LAMC1: variants seen among roughly 807,000 people sequenced by gnomAD.
The protein encoded by LAMC1 is laminin subunit gamma-1.
In LAMC1, 38 loss-of-function variants were observed where a neutral mutation model predicts 173.6. The ratio of observed to expected loss-of-function variants is 0.22; its 90% CI spans 0.17 to 0.29. The LOEUF is 0.29. Among genes scored for constraint, LAMC1 ranks in the 10% least tolerant of loss-of-function variants. LAMC1 has a pLI of 1.00. For synonymous variants in LAMC1, 746 were observed against 749.1 expected (o/e 1.00, Z 0.07); for missense variants, 1,824 against 2,051.8 (o/e 0.89, Z 2.14).
At chr1:183,030,348 A>G (rs969258766) in intron 1 of LAMC1, among the ~76,000 whole-genome samples, 2 of 152,210 alleles carry the variant, frequency 1.3e-5, no homozygotes, top group African/African-American at 4.8e-5. Flanking sequence ...AGATGCAAGC[A>G]CAGAGAGGAT....
chr1:183,071,377 G>A (rs915406449), intron 1 of LAMC1, among the ~76,000 whole-genome samples: 4 of 131,198 alleles, frequency 3.0e-5, no homozygotes, highest in African/African-American at 1.0e-4. Flanking sequence ...CAGAATAATA[G>A]CAAGCATAGT....
rs371563859 is a variant in LAMC1, at chr1:183,023,895, A to G, written c.179A>G (p.Asn60Ser). ...CCCGAGTTCGTCAACGCCGCCTTCAACGTGACTGTGGTGGCCACCAACACG... is the reference window on the plus strand; with the variant it reads ...CCCGAGTTCGTCAACGCCGCCTTCAGCGTGACTGTGGTGGCCACCAACACG... The part of the protein sequence containing the change: ...CMPEFVNAAF[N>S]VTVVATNTCG... The change falls in exon 1 of 28, where the codon AAC becomes AGC. Residue 60 changes from asparagine (N) to serine (S), a missense_variant. Coordinates refer to ENST00000258341, the MANE Select transcript of LAMC1 (RefSeq NM_002293.4). The G allele has an allele frequency of 3.5e-4, 564 of 1,612,990 alleles. 2 individuals carry two copies. The highest frequency in any genetic ancestry group is 1.4e-3 in the Admixed American group (85 of 60,016).
At chr1:183,139,379 T>G (rs1293099492) in intron 26 of LAMC1, among the ~76,000 whole-genome samples, 1 of 152,182 alleles carries the variant, frequency 6.6e-6, no homozygotes, top group Non-Finnish European at 1.5e-5. Context: ...GTTTATAGCT[T>G]CATTCTTTTG....
intron 1 of LAMC1, among the ~76,000 whole-genome samples, chr1:183,090,497 A>G (rs1050947175): frequency 1.3e-5 from 2 of 152,224 alleles, no homozygotes; most frequent in African/African-American, 4.8e-5. Context: ...GTTTATACTT[A>G]TGAAGGCATC....
rs764447112 is a variant in LAMC1, at chr1:183,124,728, C to T, written c.2499C>T (p.Asn833=). 2 of 1,614,226 alleles carry T rather than the reference C, an allele frequency of 1.2e-6. No individual in the cohort carries two copies. The highest frequency in any genetic ancestry group is 1.7e-5 in the Admixed American group (1 of 60,018). Residue 833 remains asparagine, a synonymous_variant, in exon 14 of 28, where the codon AAC becomes AAT. Transcript: ENST00000258341. ...GCCGCCTGTGCCAGTGCAGTGACAA[C>T]ATCGATCCCAATGCAGTTGGAAATT... ...RLCRLCQCSD[N]IDPNAVGNCN...
At chr1:183,107,253 C>G (rs905050750) in intron 2 of LAMC1, among the ~76,000 whole-genome samples, 1 of 151,984 alleles carries the variant, frequency 6.6e-6, no homozygotes, top group Non-Finnish European at 1.5e-5. Flanking sequence ...TTCCTGCCCT[C>G]GTGGTACTTA....
At chr1:183,132,567 C>G (rs1156707545) in intron 21 of LAMC1, 30 bp downstream of exon 21, 2 of 1,569,716 alleles carry the variant, frequency 1.3e-6, no homozygotes, top group Admixed American at 3.4e-5. Flanking sequence ...GGTTTACACC[C>G]CTTCAGGTGT....
Position 183,039,390 on chromosome 1 carries a change from C to T in LAMC1, c.418+15256C>T, listed in dbSNP as rs143680189. Among the ~76,000 whole-genome samples, 295 of 152,172 alleles carry T rather than the reference C, an allele frequency of 1.9e-3. 2 individuals are homozygous for T. Among genetic ancestry groups the T allele is most frequent in the African/African-American group, 6.4e-3 (265 of 41,500 alleles). ...GCCTTCAGTGTCTTGGATTAACTTT[C>T]GGAGCAGTCCATACATAGTTTTGAA... On this transcript the variant is annotated intron_variant, in intron 1 of 27. Transcript: ENST00000258341.
At chr1:183,129,853 A>T (rs1656734153) in intron 18 of LAMC1, among the ~76,000 whole-genome samples, 1 of 152,174 alleles carries the variant, frequency 6.6e-6, no homozygotes, top group South Asian at 2.1e-4. Flanking sequence ...GGGGTGGCAA[A>T]AGAGTCTATT....
In LAMC1 at chr1:183,057,498, C is replaced by T. The variant is rs183204436; in HGVS notation, c.418+33364C>T. Among the ~76,000 whole-genome samples, 199 of 152,310 alleles carry T rather than the reference C, an allele frequency of 1.3e-3. 2 individuals are homozygous for T. The highest frequency in any genetic ancestry group is 5.0e-3 in the Admixed American group (77 of 15,304). ...ACAGCTGGCCGGGTGCCGTGGCTTA[C>T]GCCTGTAATCTCCGCATTTTGGGAG... On this transcript the variant is annotated intron_variant, in intron 1 of 27. Coordinates refer to ENST00000258341, the MANE Select transcript of LAMC1 (RefSeq NM_002293.4).
At chr1:183,112,637 G>T (rs1656193557) in intron 4 of LAMC1, among the ~76,000 whole-genome samples, 1 of 152,146 alleles carries the variant, frequency 6.6e-6, no homozygotes, top group Non-Finnish European at 1.5e-5. Flanking sequence ...TGTAGGTTGG[G>T]ACAGTGTGGA....
chr1:183,103,543 A>G lies in LAMC1; in HGVS notation c.634A>G (p.Ile212Val). The change falls in exon 2 of 28, where the codon ATT becomes GTT. Residue 212 changes from isoleucine (I) to valine (V), a missense_variant. Physicochemically the swap from Ile to Val is conservative, Grantham distance 29 (BLOSUM62 3). Coordinates refer to ENST00000258341, the MANE Select transcript of LAMC1 (RefSeq NM_002293.4). ...CTTGTGTACTGATGAATTCAGTGAC[A>G]TTTCTCCCCTCACTGGGGGCAACGT... ...QALCTDEFSDISPLTGGNVAF... is the reference protein window; with the variant it reads ...QALCTDEFSDVSPLTGGNVAF... 6.2e-7 allele frequency: 1 copy of G among 1,613,416 alleles called. No individual in the cohort carries two copies. The highest frequency in any genetic ancestry group is 1.1e-5 in the South Asian group (1 of 90,942).
At chr1:183,066,857 T>C (rs948972815) in intron 1 of LAMC1, among the ~76,000 whole-genome samples, 3 of 152,102 alleles carry the variant, frequency 2.0e-5, no homozygotes, top group Non-Finnish European at 4.4e-5. Flanking sequence ...CTAATGTAGA[T>C]GACAGGTTGA....
rs140499388 is a variant in LAMC1 at position 183,116,807 on chromosome 1, C to T, written c.1468C>T (p.Arg490Trp). ...TTTTAATCTGGAATCATCTAATCCT[C>T]GGGGTTGCACACCCTGCTTCTGCTT... ...GFFNLESSNP[R>W]GCTPCFCFGH... The change falls in exon 8 of 28, where the codon CGG (arginine) becomes TGG (tryptophan). Residue 490 changes from arginine to tryptophan, a missense_variant. Physicochemically the swap from Arg to Trp is moderately radical, Grantham distance 101. Transcript: ENST00000258341. 697 of 1,613,988 alleles carry T rather than the reference C, an allele frequency of 4.3e-4. 4 individuals carry two copies. The African/African-American group carries it at 4.9e-3, about 11-fold the overall frequency.
rs375702610 is a variant in LAMC1 at position 183,135,325 on chromosome 1, A to C, written c.4114+169A>C. Among the ~76,000 whole-genome samples the C allele has an allele frequency of 3.9e-5, 6 of 152,108 alleles. No homozygotes were observed. In the East Asian group the frequency reaches 7.7e-4, roughly 20 times the overall value. On this transcript the variant is annotated intron_variant, in intron 24 of 27. Transcript: ENST00000258341. ...AGCTCCTGTCATTTTATCCCTGCATACTTCAGTATGGATTTTTTTTTAAAG... is the reference window on the plus strand; with the variant it reads ...AGCTCCTGTCATTTTATCCCTGCATCCTTCAGTATGGATTTTTTTTTAAAG...
rs1360704 is a variant in LAMC1 at position 183,130,245 on chromosome 1, T to C, written c.3281-99T>C. 429,828 of 1,041,672 alleles carry C rather than the reference T, an allele frequency of 0.41. 92,302 individuals are homozygous for C. The highest frequency in any genetic ancestry group is 0.47 in the East Asian group (18,676 of 40,004). The allele number at this position is 1,041,672 out of a possible 1,614,324, so 64.5% of individuals were successfully genotyped here. ...GTGGAAACCTGGCAGAAAGTTGCGA[T>C]GTTTAGAAGAGTAGAGATACATAGG... On this transcript the variant is annotated intron_variant, in intron 18 of 27. Transcript: ENST00000258341.
intron 5 of LAMC1, 86 bp from the exon 6 acceptor site, chr1:183,115,430 TTTAA>T (rs1656288915): frequency 4.6e-6 from 4 of 873,888 alleles, no homozygotes; most frequent in Non-Finnish European, 7.6e-6. Context: ...AGGCATTGCT[TTTAA>T]TTACCAGTTA....
At chr1:183,112,585 A>T (rs968259700) in intron 4 of LAMC1, among the ~76,000 whole-genome samples, 6 of 152,140 alleles carry the variant, frequency 3.9e-5, no homozygotes, top group African/African-American at 9.7e-5. Context: ...AGGGAAGAGA[A>T]CTACCTTCTC....
At chr1:183,100,282 C>T (rs1372376778) in intron 1 of LAMC1, among the ~76,000 whole-genome samples, 1 of 152,216 alleles carries the variant, frequency 6.6e-6, no homozygotes, top group Admixed American at 6.5e-5. Context: ...CTGTCCCTTC[C>T]AACCTAATCT....
Sources: allele counts gnomAD v4.1 joint callset (sites outside exome capture counted in the v4.1 genomes callset), GRCh38; gene constraint gnomAD v4.1.1; transcripts MANE v1.5; gene names NCBI Gene and HGNC (gene_info 2026-07-23, HGNC 2026-07-21).